Variants in IFT80 observed in about 807,000 individuals in gnomAD.
IFT80 encodes the protein intraflagellar transport protein 80 homolog.
In IFT80, 79 loss-of-function variants were observed where a neutral mutation model predicts 107.9. The observed-to-expected ratio is 0.73, with a 90% CI of 0.61 to 0.88. IFT80 has a LOEUF of 0.88. Ranked by LOEUF, IFT80 falls within the 40% of genes least tolerant of loss-of-function variation. The probability of loss-of-function intolerance (pLI) is 0.00; values close to 1 mark genes in which losing one functional copy is unlikely to be tolerated. For synonymous variants in IFT80, 299 were observed against 300.9 expected (o/e 0.99, Z 0.07); for missense variants, 797 against 914.2 (o/e 0.87, Z 1.65).
intron 19 of IFT80, among the ~76,000 whole-genome samples, chr3:160,267,195 G>A (rs565224547): frequency 3.3e-5 from 5 of 152,242 alleles, no homozygotes; most frequent in South Asian, 4.2e-4. Flanking sequence ...GTTCTGAAGT[G>A]CAAAAATGTA....
At chr3:160,386,999 A>G (rs1158030773) in intron 1 of IFT80, among the ~76,000 whole-genome samples, 1 of 152,178 alleles carries the variant, frequency 6.6e-6, no homozygotes, top group Non-Finnish European at 1.5e-5. Context: ...AATGGATGCA[A>G]TGGATGGTAT....
rs183074703 is a variant in IFT80 at position 160,338,645 on chromosome 3, A to G, written c.777+17368T>C. ...AGACCCTGTCTCAAAAAAAAAAAAA[A>G]GGGACCTGAAGGAGATGAGTGAGAA... On this transcript the variant is annotated intron_variant, in intron 8 of 19. Transcript: ENST00000326448. Among the ~76,000 whole-genome samples, 423 of 151,182 alleles carry G rather than the reference A, an allele frequency of 2.8e-3. 3 individuals carry two copies. Among genetic ancestry groups the G allele is most frequent in the African/African-American group, 9.8e-3 (405 of 41,332 alleles).
chr3:160,394,401 C>G (rs1198841159), intron 1 of IFT80: 1 of 152,060 alleles, frequency 6.6e-6, no homozygotes, highest in South Asian at 2.1e-4. Flanking sequence ...TGTCCTGGGC[C>G]GCATGTGGCC....
chr3:160,388,181 C>A (rs796218770), intron 1 of IFT80, among the ~76,000 whole-genome samples: 22 of 149,610 alleles, frequency 1.5e-4, no homozygotes, highest in African/African-American at 5.1e-4. Context: ...CATAAAAGCA[C>A]AGCAGAGAAT....
chr3:160,285,059 C>A (rs563099011), intron 13 of IFT80, among the ~76,000 whole-genome samples: 31 of 151,954 alleles, frequency 2.0e-4, no homozygotes, highest in Non-Finnish European at 4.3e-4. Context: ...AAAACTAGGG[C>A]CAGGCATGGT....
chr3:160,361,959 T>A (rs1370385189), intron 6 of IFT80, among the ~76,000 whole-genome samples: 1 of 151,918 alleles, frequency 6.6e-6, no homozygotes, highest in Non-Finnish European at 1.5e-5. Context: ...ACATCACAAT[T>A]AAAAGAACTA....
chr3:160,309,582 G>C (rs1370416519), intron 9 of IFT80, among the ~76,000 whole-genome samples: 1 of 152,102 alleles, frequency 6.6e-6, no homozygotes, highest in Non-Finnish European at 1.5e-5. Flanking sequence ...AGCTACTCAG[G>C]AGGCTGAGGC....
chr3:160,263,798 T>C (rs1713059076), intron 19 of IFT80, among the ~76,000 whole-genome samples: 1 of 151,934 alleles, frequency 6.6e-6, no homozygotes, highest in African/African-American at 2.4e-5. Flanking sequence ...TGCCTCAGCC[T>C]CCCGAGTAGC....
intron 8 of IFT80, among the ~76,000 whole-genome samples, chr3:160,326,755 G>T (rs558676584): frequency 2.2e-4 from 33 of 152,114 alleles, no homozygotes; most frequent in Non-Finnish European, 4.1e-4. Flanking sequence ...CTTGAAAACA[G>T]GCACAGGACA....
rs1192967391 is a variant in IFT80, at chr3:160,300,555, TA to T, written c.1315+327del. The stretch of plus-strand genomic sequence containing the variant: ...AAGAAAAAGGGAATATTTAAAAAGA[TA>T]AAAAACTTAAGCCTTAATATACAGT... On this transcript the variant is annotated intron_variant, in intron 12 of 19. Transcript: ENST00000326448. Among the ~76,000 whole-genome samples the T allele has an allele frequency of 2.0e-5, 3 of 152,262 alleles. No individual in the cohort carries two copies. In the South Asian group the frequency reaches 6.2e-4, roughly 32 times the overall value.
At chr3:160,312,933 A>T (rs868716531) in intron 9 of IFT80, among the ~76,000 whole-genome samples, 41 of 25,458 alleles carry the variant, frequency 1.6e-3, no homozygotes, top group African/African-American at 6.4e-3. Flanking sequence ...ATAAATATAT[A>T]ATATATAATA....
intron 16 of IFT80, among the ~76,000 whole-genome samples, chr3:160,278,186 T>A (rs907693851): frequency 6.6e-6 from 1 of 152,178 alleles, no homozygotes. Flanking sequence ...GCTGCAGATA[T>A]AAACAAGCAA....
At chr3:160,296,571 A>C (rs1453030847) in intron 12 of IFT80, among the ~76,000 whole-genome samples, 2 of 145,020 alleles carry the variant, frequency 1.4e-5, no homozygotes, top group African/African-American at 2.5e-5. Flanking sequence ...ATCCTCACTA[A>C]AAAAAAAAAA....
chr3:160,350,829 T>C (rs1393445657), intron 8 of IFT80, among the ~76,000 whole-genome samples: 1 of 151,430 alleles, frequency 6.6e-6, no homozygotes, highest in Admixed American at 6.6e-5. Context: ...AAAAAACGTA[T>C]GTTACCTGAA....
chr3:160,334,741 G>C (rs1191316195), intron 8 of IFT80, among the ~76,000 whole-genome samples: 1 of 151,900 alleles, frequency 6.6e-6, no homozygotes, highest in African/African-American at 2.4e-5. Flanking sequence ...TAGCCTGTGA[G>C]ATCTCTTTCA....
At chr3:160,304,652 G>C (rs531975470) in intron 10 of IFT80, among the ~76,000 whole-genome samples, 1 of 152,030 alleles carries the variant, frequency 6.6e-6, no homozygotes, top group African/African-American at 2.4e-5. Flanking sequence ...AGCCAGGATG[G>C]TCTAGATCTC....
At chr3:160,327,644 A>G (rs1044038476) in intron 8 of IFT80, among the ~76,000 whole-genome samples, 1 of 152,240 alleles carries the variant, frequency 6.6e-6, no homozygotes, top group African/African-American at 2.4e-5. Context: ...CATATGCAGG[A>G]AAGTGAAACT....
At chr3:160,347,206 G>A (rs1365541781) in intron 8 of IFT80, among the ~76,000 whole-genome samples, 5 of 152,070 alleles carry the variant, frequency 3.3e-5, no homozygotes, top group East Asian at 3.9e-4. Flanking sequence ...TTTAGCTACC[G>A]CCAGGCTGGG....
intron 8 of IFT80, among the ~76,000 whole-genome samples, chr3:160,330,713 T>C (rs1026490326): frequency 6.6e-6 from 1 of 152,106 alleles, no homozygotes; most frequent in Non-Finnish European, 1.5e-5. Flanking sequence ...ATGACCACAC[T>C]CTGAGAATGA....
Sources: allele counts gnomAD v4.1 joint callset (sites outside exome capture counted in the v4.1 genomes callset), GRCh38; gene constraint gnomAD v4.1.1; transcripts MANE v1.5; gene names NCBI Gene and HGNC (gene_info 2026-07-23, HGNC 2026-07-21).